Variants in AGR3 observed in about 807,000 individuals in gnomAD.
The protein encoded by AGR3 is anterior gradient protein 3.
A neutral mutation model predicts 24.5 loss-of-function variants in AGR3; 37 were observed. The observed-to-expected ratio is 1.51, with a 90% CI of 1.16 to 1.99. The LOEUF is 1.99. AGR3 is among the 30% of genes most tolerant of loss of function. The pLI is 0.00. For missense variants in AGR3, 228 were observed against 191.1 expected (o/e 1.19, Z -1.14); for synonymous variants, 75 against 61.6 (o/e 1.22, Z -1.02).
intron 2 of AGR3, among the ~76,000 whole-genome samples, chr7:16,876,394 G>C (rs1781987127): frequency 6.6e-6 from 1 of 152,028 alleles, no homozygotes; most frequent in African/African-American, 2.4e-5. Flanking sequence ...TGATTCAAAG[G>C]AAATTGGATT....
At chr7:16,880,280 C>G (rs1182356988) in intron 1 of AGR3, among the ~76,000 whole-genome samples, 1 of 151,424 alleles carries the variant, frequency 6.6e-6, no homozygotes, top group East Asian at 1.9e-4. Flanking sequence ...CCTGCCTCAG[C>G]TTCCCAAGTA....
chr7:16,874,870 A>G (rs1781953991), intron 2 of AGR3, among the ~76,000 whole-genome samples: 1 of 152,090 alleles, frequency 6.6e-6, no homozygotes, highest in African/African-American at 2.4e-5. Context: ...TAATCCTAGC[A>G]CTTTGTGAGA....
intron 3 of AGR3, among the ~76,000 whole-genome samples, chr7:16,869,903 C>T (rs952873907): frequency 6.6e-6 from 1 of 151,616 alleles, no homozygotes; most frequent in African/African-American, 2.4e-5. Flanking sequence ...TCAGAATGTT[C>T]CTAACTATCC....
At chr7:16,858,050 C>T (rs535389042), downstream of AGR3, among the ~76,000 whole-genome samples, 12 of 150,020 alleles carry the variant, frequency 8.0e-5, no homozygotes, top group South Asian at 8.5e-4. Flanking sequence ...TGCAATGGAA[C>T]GATCTTGGCT....
intron 3 of AGR3, chr7:16,865,278 G>T: frequency 9.7e-7 from 1 of 1,028,964 alleles, no homozygotes; most frequent in Non-Finnish European, 1.5e-6. Context: ...TCCTTTTGAA[G>T]AAGAAATCTG....
At chr7:16,867,148 G>A (rs1036357878) in intron 3 of AGR3, among the ~76,000 whole-genome samples, 4 of 152,064 alleles carry the variant, frequency 2.6e-5, no homozygotes, top group African/African-American at 9.7e-5. Context: ...GTATCTTCTA[G>A]CACCTTAATG....
At chr7:16,855,354 A>C (rs537010004), downstream of AGR3, among the ~76,000 whole-genome samples, 1 of 152,276 alleles carries the variant, frequency 6.6e-6, no homozygotes, top group East Asian at 1.9e-4. Context: ...CCTGGAAAGT[A>C]ACTATGATAT....
chr7:16,865,814 A>G, intron 3 of AGR3: 7 of 746,630 alleles, frequency 9.4e-6, no homozygotes, highest in Admixed American at 1.8e-5. Context: ...ATCTGGTAAA[A>G]CTGGATTAAT....
At chr7:16,867,226 A>G (rs565908487) in intron 3 of AGR3, among the ~76,000 whole-genome samples, 1 of 152,182 alleles carries the variant, frequency 6.6e-6, no homozygotes, top group South Asian at 2.1e-4. Context: ...ATACAAATTT[A>G]TTTGTTTTTC....
chr7:16,864,732 T>C, intron 3 of AGR3: 1 of 1,452,750 alleles, frequency 6.9e-7, no homozygotes. Context: ...ACCACTGCGG[T>C]GTGTGCGAGG....
chr7:16,862,104 A>G (rs1192981438), intron 4 of AGR3, 44 bp from the exon 5 acceptor site: 9 of 1,429,804 alleles, frequency 6.3e-6, no homozygotes, highest in African/African-American at 1.4e-5. Flanking sequence ...AAGGATCAAG[A>G]GACCTTTAAT....
chr7:16,868,197 C>A (rs1354697485), intron 3 of AGR3, among the ~76,000 whole-genome samples: 8 of 151,876 alleles, frequency 5.3e-5, no homozygotes, highest in African/African-American at 1.5e-4. Context: ...CTCTTGTTGC[C>A]CAGGCTGGAG....
Position 16,861,453 on chromosome 7 carries a change from A to C in AGR3, c.304-6T>G, listed in dbSNP as rs181162420. 3.1e-6 allele frequency: 5 copies of C among 1,604,470 alleles called. No homozygotes were observed. Among genetic ancestry groups the C allele is most frequent in the Admixed American group, 1.7e-5 (1 of 58,546 alleles). On this transcript the variant is annotated splice_region_variant and splice_polypyrimidine_tract_variant and intron_variant, in intron 5 of 7. Transcript: ENST00000310398. ...TTCTTATCAGTGGTTTCATGCTAGC[A>C]GGAGAAGAAAAAAAAAGAATGTTAT...
chr7:16,875,715 A>T (rs1219506338), intron 2 of AGR3, among the ~76,000 whole-genome samples: 1 of 152,066 alleles, frequency 6.6e-6, no homozygotes, highest in Non-Finnish European at 1.5e-5. Flanking sequence ...ATCATTTTAT[A>T]TACTCACCAG....
At position 16,873,841 on chromosome 7, in the gene AGR3, A is replaced by T; in HGVS notation, c.112T>A (p.Trp38Arg). The change falls in exon 3 of 8, where the codon TGG becomes AGG. Residue 38 changes from tryptophan to arginine, a missense_variant and splice_region_variant. By Grantham distance (101) the Trp-to-Arg change is moderately radical. Transcript: ENST00000310398. ...TGTACCCAAGTGATGTCATCTCCCC[A>T]TCCTGAAATAGAAGAGAGAAATCAA... ...KRPPQTLSRGWGDDITWVQTY... is the reference protein window; with the variant it reads ...KRPPQTLSRGRGDDITWVQTY... 6.2e-7 allele frequency: 1 copy of T among 1,611,846 alleles called. No individual in the cohort carries two copies. The highest frequency in any genetic ancestry group is 1.7e-4 in the Middle Eastern group (1 of 6,056).
downstream of AGR3, among the ~76,000 whole-genome samples, chr7:16,858,531 C>G (rs978638558): frequency 7.2e-5 from 11 of 152,134 alleles, no homozygotes; most frequent in Non-Finnish European, 1.6e-4. Context: ...AGTAGTTACA[C>G]TTTTCTTAAA....
rs200852301 is a variant in AGR3 at position 16,861,982 on chromosome 7, A to G, written c.303+2T>C. On this transcript the variant is annotated splice_donor_variant, in intron 5 of 7. Transcript: ENST00000310398. LOFTEE classifies it high-confidence loss of function. Reference sequence around the variant, plus strand: ...TAAGAAAACATCACAAAGTTTATGTACCATAAGGTTTAGCATGATGAACTT... The same window carrying G: ...TAAGAAAACATCACAAAGTTTATGTGCCATAAGGTTTAGCATGATGAACTT... The G allele has an allele frequency of 7.1e-5, 114 of 1,605,310 alleles. No individual in the cohort carries two copies. Among genetic ancestry groups the G allele is most frequent in the Non-Finnish European group, 9.4e-5 (110 of 1,173,434 alleles).
At chr7:16,861,309 G>T (rs999766444) in intron 6 of AGR3, 75 bp downstream of exon 6, 2 of 1,143,066 alleles carry the variant, frequency 1.7e-6, no homozygotes, top group Non-Finnish European at 2.5e-6. Flanking sequence ...ACTTGAACTA[G>T]CATTTAAAAA....
At chr7:16,858,785 C>T (rs774576186), downstream of AGR3, among the ~76,000 whole-genome samples, 7 of 152,090 alleles carry the variant, frequency 4.6e-5, no homozygotes, top group South Asian at 2.1e-4. Flanking sequence ...GCAGGAGAAT[C>T]GCTTGAACGG....
Sources: gnomAD v4.1 joint callset for allele counts (sites outside exome capture counted in the v4.1 genomes callset) on GRCh38, gnomAD v4.1.1 for gene constraint, MANE v1.5 for transcripts, NCBI Gene and HGNC (gene_info 2026-07-23, HGNC 2026-07-21) for gene names.